SHANK2: variants seen among roughly 807,000 people sequenced by gnomAD.
The protein encoded by SHANK2 is SH3 and multiple ankyrin repeat domains protein 2.
Under a neutral mutation model 133.7 loss-of-function variants are expected in SHANK2, and 43 were observed. The ratio of observed to expected loss-of-function variants is 0.32; its 90% confidence interval spans 0.25 to 0.41. The LOEUF is 0.41. Ranked by LOEUF, SHANK2 falls within the 10% of genes least tolerant of loss-of-function variation. SHANK2 has a pLI of 1.00. For missense variants in SHANK2, 1,994 were observed against 2,235.8 expected (o/e 0.89, Z 2.18); for synonymous variants, 1,017 against 952.8 (o/e 1.07, Z -1.24).
Position 70,661,021 on chromosome 11 carries a change from C to T in SHANK2, c.1936+575G>A, listed in dbSNP as rs1196788342. ...CCATGGACTGCATTCCTGAGCCTCC[C>T]ACGACGGGCCACGTAACGTGTGTGC... is the stretch of plus-strand genomic sequence containing the variant. On this transcript the variant is annotated intron_variant, in intron 16 of 25. Transcript: ENST00000601538. Among the ~76,000 whole-genome samples the T allele has an allele frequency of 2.0e-5, 3 of 152,210 alleles. No homozygotes were observed. In the East Asian group the frequency reaches 5.8e-4, roughly 29 times the overall value.
intron 2 of SHANK2, among the ~76,000 whole-genome samples, chr11:71,152,842 A>G (rs1400835698): frequency 1.3e-5 from 2 of 152,170 alleles, no homozygotes; most frequent in African/African-American, 4.8e-5. Flanking sequence ...CCTGATTAGC[A>G]GCTTCCTGGG....
At chr11:70,880,947 C>G (rs1949650110) in intron 11 of SHANK2, among the ~76,000 whole-genome samples, 1 of 152,224 alleles carries the variant, frequency 6.6e-6, no homozygotes, top group South Asian at 2.1e-4. Context: ...TCCCAGGACC[C>G]TTTCACATTC....
intron 3 of SHANK2, among the ~76,000 whole-genome samples, chr11:71,128,943 C>T (rs1283422690): frequency 2.0e-5 from 3 of 152,168 alleles, no homozygotes; most frequent in Non-Finnish European, 2.9e-5. Flanking sequence ...CACCACCACG[C>T]CCGGCTAATT....
intron 14 of SHANK2, among the ~76,000 whole-genome samples, chr11:70,755,751 G>A (rs1946855687): frequency 2.0e-5 from 3 of 152,232 alleles, no homozygotes; most frequent in African/African-American, 7.2e-5. Flanking sequence ...CCTACCAGGC[G>A]AGCGACAGGC....
intron 10 of SHANK2, among the ~76,000 whole-genome samples, chr11:70,932,662 C>A (rs1384838918): frequency 6.6e-6 from 1 of 152,190 alleles, no homozygotes; most frequent in African/African-American, 2.4e-5. Context: ...TTAGAAGTGG[C>A]CAGGCCTCAG....
chr11:70,918,335 C>T lies in SHANK2; in HGVS notation c.1108-21768G>A, dbSNP rs559104839. On this transcript the variant is annotated intron_variant, in intron 10 of 25. Transcript: ENST00000601538. ...GTGTACCCTCTCCACGGAGAGAGGC[C>T]GATTGGTATCAATTTTATTGATACA... is the stretch of plus-strand genomic sequence containing the variant. 1.2e-4 allele frequency among the ~76,000 whole-genome samples: 18 copies of T among 152,200 alleles called. No homozygotes were observed. The East Asian group carries it at 1.5e-3, about 13-fold the overall frequency.
intron 14 of SHANK2, among the ~76,000 whole-genome samples, chr11:70,710,532 A>C (rs1343355756): frequency 6.6e-6 from 1 of 152,328 alleles, no homozygotes; most frequent in East Asian, 1.9e-4. Context: ...CCCCACAGTA[A>C]TGTCAGGGTT....
chr11:70,570,644 C>T (rs923592487), intron 17 of SHANK2: 4 of 152,382 alleles, frequency 2.6e-5, no homozygotes, highest in Admixed American at 6.5e-5. Context: ...ACAGGGTCAC[C>T]CTCCAGGATC....
At chr11:70,602,854 C>T (rs1278642920) in intron 17 of SHANK2, among the ~76,000 whole-genome samples, 2 of 152,162 alleles carry the variant, frequency 1.3e-5, no homozygotes, top group Non-Finnish European at 2.9e-5. Flanking sequence ...CTGAAATGCA[C>T]GTGGACCCAC....
At chr11:71,210,250 A>ATATATATATATATTTATT (rs1353494730) in intron 2 of SHANK2, among the ~76,000 whole-genome samples, 5 of 85,488 alleles carry the variant, frequency 5.8e-5, no homozygotes, top group African/African-American at 6.5e-5. Context: ...ATATATATAT[A>ATATATATATATATTTATT]TATTTATTTA....
At chr11:70,510,078 G>C (rs975521430) in intron 17 of SHANK2, among the ~76,000 whole-genome samples, 9 of 152,160 alleles carry the variant, frequency 5.9e-5, no homozygotes, top group Non-Finnish European at 1.3e-4. Context: ...GAGGGAGGAG[G>C]TGTCTTGGCC....
At chr11:70,811,593 A>C (rs1240964173) in intron 12 of SHANK2, among the ~76,000 whole-genome samples, 1 of 149,388 alleles carries the variant, frequency 6.7e-6, no homozygotes, top group East Asian at 2.0e-4. Context: ...CCATCCATCC[A>C]CCCATCCATC....
rs4025747 is a variant in SHANK2 at position 70,876,237 on chromosome 11, C to CACAT, written c.1174+20263_1174+20264insATGT. ...TGTATATACATAATACACACACACA[C>CACAT]ATATAGACACACACACACACACACA... is the stretch of plus-strand genomic sequence containing the variant. On this transcript the variant is annotated intron_variant, in intron 11 of 25. Coordinates refer to ENST00000601538, the MANE Select transcript of SHANK2 (RefSeq NM_012309.5). 8.0e-4 allele frequency among the ~76,000 whole-genome samples: 118 copies of CACAT among 147,520 alleles called. 1 individual carries two copies. Among genetic ancestry groups the CACAT allele is most frequent in the Admixed American group, 2.3e-3 (34 of 14,888 alleles).
intron 11 of SHANK2, among the ~76,000 whole-genome samples, chr11:70,894,119 G>A (rs1949895977): frequency 6.6e-6 from 1 of 152,224 alleles, no homozygotes; most frequent in Admixed American, 6.5e-5. Flanking sequence ...GACAACAAGT[G>A]TCTCCCAAGG....
intron 14 of SHANK2, among the ~76,000 whole-genome samples, chr11:70,718,952 G>A (rs191428175): frequency 6.6e-6 from 1 of 152,262 alleles, no homozygotes; most frequent in Non-Finnish European, 1.5e-5. Flanking sequence ...TTTGTCAGCT[G>A]GGGATAATCA....
Position 70,830,190 on chromosome 11 carries a change from T to TG in SHANK2, c.1175-9509dup, listed in dbSNP as rs1322628602. On this transcript the variant is annotated intron_variant, in intron 11 of 25. Coordinates refer to ENST00000601538, the MANE Select transcript of SHANK2 (RefSeq NM_012309.5). The surrounding 1 kb of genome is among the most constrained non-coding windows in gnomAD (Gnocchi z 4.4). ...TCTGGTGTCCCCATCCCTGCCTTTC[T>TG]GGGGGAATATTTATCTTCCAGCCCT... 6.6e-6 allele frequency among the ~76,000 whole-genome samples: 1 copy of TG among 152,196 alleles called. No homozygotes were observed.
intron 4 of SHANK2, among the ~76,000 whole-genome samples, chr11:71,117,791 C>A (rs1320768203): frequency 4.6e-5 from 7 of 152,150 alleles, no homozygotes; most frequent in Non-Finnish European, 1.0e-4. Flanking sequence ...ATCAGCTGTG[C>A]GTTTGTACAC....
chr11:70,950,355 T>C (rs1950815203), intron 10 of SHANK2, among the ~76,000 whole-genome samples: 1 of 152,004 alleles, frequency 6.6e-6, no homozygotes, highest in South Asian at 2.1e-4. Context: ...CACACCCAGC[T>C]AACTTTTGTA....
At chr11:70,753,963 CA>C (rs1946810651) in intron 14 of SHANK2, among the ~76,000 whole-genome samples, 1 of 152,164 alleles carries the variant, frequency 6.6e-6, no homozygotes, top group Non-Finnish European at 1.5e-5. Context: ...AGGCGTGCAC[CA>C]CCATGCCTGA....
Sources: allele counts gnomAD v4.1 joint callset (sites outside exome capture counted in the v4.1 genomes callset), GRCh38; gene constraint gnomAD v4.1.1; non-coding constraint Gnocchi (gnomAD v3.1); transcripts MANE v1.5; gene names NCBI Gene and HGNC (gene_info 2026-07-23, HGNC 2026-07-21).